The following LHFPL6 variants were observed in gnomAD, a reference collection of about 807,000 sequenced individuals.
LHFPL6 encodes the protein LHFPL tetraspan subfamily member 6 protein.
In LHFPL6, 9 loss-of-function variants were observed where a neutral mutation model predicts 20.6. That is an observed-to-expected ratio of 0.44 (90% CI 0.26 to 0.76). The LOEUF (loss-of-function observed/expected upper bound fraction) is 0.76. LHFPL6 is among the 30% of genes least tolerant of loss of function. The probability of loss-of-function intolerance (pLI) is 0.20; values close to 1 mark genes in which losing one functional copy is unlikely to be tolerated. For missense variants in LHFPL6, 218 were observed against 253.5 expected (o/e 0.86, Z 0.95); for synonymous variants, 105 against 98.7 (o/e 1.06, Z -0.38).
intron 2 of LHFPL6, among the ~76,000 whole-genome samples, chr13:39,568,160 C>A (rs1871788825): frequency 6.6e-6 from 1 of 152,080 alleles, no homozygotes; most frequent in Non-Finnish European, 1.5e-5. Flanking sequence ...TTCCAGACAT[C>A]CACCTGTTTC....
intron 3 of LHFPL6, among the ~76,000 whole-genome samples, chr13:39,370,896 T>C (rs942430201): frequency 6.6e-6 from 1 of 152,222 alleles, no homozygotes; most frequent in Non-Finnish European, 1.5e-5. Flanking sequence ...AAAATTATAC[T>C]TTTGTTTGCA....
intron 2 of LHFPL6, among the ~76,000 whole-genome samples, chr13:39,492,051 T>G (rs1868942428): frequency 6.6e-6 from 1 of 152,230 alleles, no homozygotes. Context: ...TGGGAACGGT[T>G]TTCATTCATC....
At chr13:39,404,011 C>T (rs761550208) in intron 2 of LHFPL6, among the ~76,000 whole-genome samples, 11 of 152,150 alleles carry the variant, frequency 7.2e-5, no homozygotes, top group Non-Finnish European at 1.6e-4. Context: ...TCAAGTAAAC[C>T]TTTGTACAAG....
At chr13:39,361,923 G>A (rs1869882613) in intron 3 of LHFPL6, among the ~76,000 whole-genome samples, 1 of 152,126 alleles carries the variant, frequency 6.6e-6, no homozygotes, top group South Asian at 2.1e-4. Flanking sequence ...GAGGGAAAAG[G>A]GCAGGAGGGA....
chr13:39,343,594 G>T lies in LHFPL6; in HGVS notation c.*342C>A. The stretch of plus-strand genomic sequence containing the variant: ...AAAACCCAAACCCTTGTTTGTATAT[G>T]TAGATTTGTTGTGTGTGTGTGTGTG... On this transcript the variant is annotated 3_prime_UTR_variant, in exon 4 of 4. Coordinates refer to ENST00000379589, the MANE Select transcript of LHFPL6 (RefSeq NM_005780.3). 9.1e-6 allele frequency: 2 copies of T among 219,250 alleles called. No individual in the cohort carries two copies. Among genetic ancestry groups the T allele is most frequent in the Non-Finnish European group, 1.7e-5 (2 of 117,004 alleles). The allele number at this position is 219,250 out of a possible 1,614,324, so 13.6% of individuals were successfully genotyped here.
At chr13:39,598,645 T>C (rs1444770018) in intron 2 of LHFPL6, among the ~76,000 whole-genome samples, 1 of 152,144 alleles carries the variant, frequency 6.6e-6, no homozygotes, top group East Asian at 1.9e-4. Context: ...AAGCTCCACC[T>C]CCTGGGTTCA....
At chr13:39,515,029 C>T (rs563817203) in intron 2 of LHFPL6, among the ~76,000 whole-genome samples, 29 of 152,338 alleles carry the variant, frequency 1.9e-4, no homozygotes, top group African/African-American at 7.0e-4. Flanking sequence ...CCTTTGAGGA[C>T]CATCCGAGCC....
chr13:39,584,258 A>G (rs1872376014), intron 2 of LHFPL6, among the ~76,000 whole-genome samples: 1 of 152,074 alleles, frequency 6.6e-6, no homozygotes, highest in Non-Finnish European at 1.5e-5. Flanking sequence ...CAAAGAACCA[A>G]TGGCCGGGCA....
At chr13:39,401,996 A>G (rs559887253) in intron 2 of LHFPL6, among the ~76,000 whole-genome samples, 4 of 152,318 alleles carry the variant, frequency 2.6e-5, no homozygotes, top group African/African-American at 9.6e-5. Flanking sequence ...ACCACTAACC[A>G]CATGTGGATA....
intron 2 of LHFPL6, among the ~76,000 whole-genome samples, chr13:39,485,073 T>C (rs947952080): frequency 6.6e-6 from 1 of 152,198 alleles, no homozygotes; most frequent in Non-Finnish European, 1.5e-5. Flanking sequence ...TCTCTACTAA[T>C]GCTTTATAAA....
intron 2 of LHFPL6, among the ~76,000 whole-genome samples, chr13:39,445,701 G>C (rs1369871994): frequency 6.6e-6 from 1 of 152,062 alleles, no homozygotes; most frequent in Non-Finnish European, 1.5e-5. Context: ...TGGTACAGCA[G>C]AATAAAACAA....
intron 3 of LHFPL6, among the ~76,000 whole-genome samples, chr13:39,361,791 T>C (rs1869876857): frequency 6.6e-6 from 1 of 152,240 alleles, no homozygotes; most frequent in Admixed American, 6.5e-5. Flanking sequence ...GTAGATTAGA[T>C]AATAGCATTT....
chr13:39,349,635 T>A (rs952391352), intron 3 of LHFPL6, among the ~76,000 whole-genome samples: 1 of 152,222 alleles, frequency 6.6e-6, no homozygotes, highest in African/African-American at 2.4e-5. Flanking sequence ...TCTATACTGA[T>A]AATTGTGATA....
chr13:39,463,529 A>G (rs2138430670), intron 2 of LHFPL6, among the ~76,000 whole-genome samples: 1 of 152,334 alleles, frequency 6.6e-6, no homozygotes, highest in Admixed American at 6.5e-5. Flanking sequence ...TATATCTTGC[A>G]TACAAAGATT....
intron 2 of LHFPL6, among the ~76,000 whole-genome samples, chr13:39,460,166 C>T (rs1463110789): frequency 1.3e-5 from 2 of 152,164 alleles, no homozygotes; most frequent in East Asian, 1.9e-4. Flanking sequence ...TCACACCATA[C>T]GATGCTTAGT....
intron 2 of LHFPL6, among the ~76,000 whole-genome samples, chr13:39,549,387 T>C (rs1871081466): frequency 6.6e-6 from 1 of 152,048 alleles, no homozygotes; most frequent in East Asian, 1.9e-4. Context: ...ATTAAACTGC[T>C]AGAAAAAAGT....
At chr13:39,442,659 T>C (rs1283722124) in intron 2 of LHFPL6, among the ~76,000 whole-genome samples, 1 of 152,236 alleles carries the variant, frequency 6.6e-6, no homozygotes, top group Non-Finnish European at 1.5e-5. Context: ...TGTATTGTAT[T>C]AATGAAAATC....
intron 2 of LHFPL6, among the ~76,000 whole-genome samples, chr13:39,476,463 T>C (rs1873086667): frequency 6.6e-6 from 1 of 152,208 alleles, no homozygotes; most frequent in East Asian, 1.9e-4. Context: ...TAAAATAACA[T>C]AACATGTGCC....
In LHFPL6 at chr13:39,601,362, TC is replaced by T; in HGVS notation, c.-147del. The T allele has an allele frequency of 1.4e-6, 1 of 712,192 alleles. No individual in the cohort carries two copies. Among genetic ancestry groups the T allele is most frequent in the Non-Finnish European group, 2.2e-6 (1 of 458,946 alleles). The allele number at this position is 712,192 out of a possible 1,614,324, so 44.1% of individuals were successfully genotyped here. ...CTTCAGTCTTACTGGGCATCAACTTTCCATCCTCTGCACTAAAGATGATGGT... is the reference window on the plus strand; with the variant it reads ...CTTCAGTCTTACTGGGCATCAACTTTCATCCTCTGCACTAAAGATGATGGT... On this transcript the variant is annotated 5_prime_UTR_variant, in exon 2 of 4. It removes the in-frame stop codon of an upstream open reading frame in the 5' UTR. Transcript: ENST00000379589.
Sources: gnomAD v4.1 joint callset for allele counts (sites outside exome capture counted in the v4.1 genomes callset) on GRCh38, gnomAD v4.1.1 for gene constraint, MANE v1.5 for transcripts, NCBI Gene and HGNC (gene_info 2026-07-23, HGNC 2026-07-21) for gene names.